TEAD1: variants seen among roughly 807,000 people sequenced by gnomAD.
TEAD1 encodes the protein transcriptional enhancer factor TEF-1.
Under a neutral mutation model 54.9 loss-of-function variants are expected in TEAD1, and 9 were observed. The observed-to-expected ratio is 0.16, with a 90% CI of 0.10 to 0.29. TEAD1 has a LOEUF of 0.29. TEAD1 is among the 10% of genes least tolerant of loss of function. The pLI, the probability that TEAD1 is intolerant of heterozygous loss-of-function variation, is 1.00. For synonymous variants in TEAD1, 200 were observed against 187.8 expected (o/e 1.07, Z -0.53); for missense variants, 387 against 535.9 (o/e 0.72, Z 2.74).
At chr11:12,930,417 C>T (rs1315960464) in intron 12 of TEAD1, 91 bp downstream of exon 12, 13 of 1,515,096 alleles carry the variant, frequency 8.6e-6, no homozygotes, top group South Asian at 7.9e-5. Context: ...GCTGGGCCTG[C>T]GCCGAGGGAA....
chr11:12,839,759 G>T (rs1301975979), intron 3 of TEAD1, among the ~76,000 whole-genome samples: 2 of 152,148 alleles, frequency 1.3e-5, no homozygotes, highest in East Asian at 3.9e-4. Context: ...ATTAAAAGAT[G>T]AATAGAAATT....
At chr11:12,809,690 G>C (rs1564947507) in intron 3 of TEAD1, among the ~76,000 whole-genome samples, 1 of 152,312 alleles carries the variant, frequency 6.6e-6, no homozygotes, top group East Asian at 1.9e-4. Context: ...TCTAAAGGAG[G>C]GGGCAAAACG....
rs10543484 is a variant in TEAD1 at position 12,878,800 on chromosome 11, CATATAT to C, written c.331-903_331-898del. ...ACATATATACATATGTATATATACACATATATATATGTTTTTTTTTTAACCAAAGAA... is the reference window on the plus strand; with the variant it reads ...ACATATATACATATGTATATATACACATATGTTTTTTTTTTAACCAAAGAA... On this transcript the variant is annotated intron_variant, in intron 5 of 12. Coordinates refer to ENST00000527636, the MANE Select transcript of TEAD1 (RefSeq NM_021961.6). 4 of 752,050 alleles carry C rather than the reference CATATAT, an allele frequency of 5.3e-6. No individual in the cohort carries two copies. In the African/African-American group the frequency reaches 7.4e-5, roughly 14 times the overall value. 46.6% of individuals were successfully genotyped at this position (752,050 alleles called of 1,614,324 possible).
intron 5 of TEAD1, among the ~76,000 whole-genome samples, chr11:12,873,478 A>C (rs1258993556): frequency 1.3e-4 from 20 of 152,362 alleles, no homozygotes; most frequent in Admixed American, 1.3e-3. Flanking sequence ...AGCTGAGTAT[A>C]TTTAAAAATG....
intron 2 of TEAD1, among the ~76,000 whole-genome samples, chr11:12,697,781 G>T (rs894361431): frequency 6.6e-6 from 1 of 152,318 alleles, no homozygotes; most frequent in East Asian, 1.9e-4. Context: ...CCCAGCACTT[G>T]GGAGGCCGAG....
chr11:12,879,606 G>C, intron 5 of TEAD1, 102 bp from the exon 6 acceptor site: 2 of 1,480,714 alleles, frequency 1.4e-6, no homozygotes, highest in Non-Finnish European at 1.9e-6. Flanking sequence ...GGCCTATTTT[G>C]TGGCTCTGTA....
intron 3 of TEAD1, among the ~76,000 whole-genome samples, chr11:12,836,419 C>CAA (rs34899154): frequency 0.031 from 4,156 of 132,332 alleles, 181 homozygotes; most frequent in African/African-American, 0.095. Flanking sequence ...GACTCCGTCT[C>CAA]AAAAAAAAAA....
At chr11:12,692,668 G>A (rs1396412888) in intron 2 of TEAD1, among the ~76,000 whole-genome samples, 1 of 152,160 alleles carries the variant, frequency 6.6e-6, no homozygotes, top group Non-Finnish European at 1.5e-5. Flanking sequence ...GCAGGCTTCT[G>A]TGCCCCGCGG....
chr11:12,712,967 T>G (rs1438267997), intron 2 of TEAD1, among the ~76,000 whole-genome samples: 3 of 152,310 alleles, frequency 2.0e-5, no homozygotes, highest in African/African-American at 7.2e-5. Context: ...GGTTCTCGGG[T>G]TGGTGACCAG....
At chr11:12,751,892 C>T (rs1259980966) in intron 2 of TEAD1, among the ~76,000 whole-genome samples, 1 of 152,192 alleles carries the variant, frequency 6.6e-6, no homozygotes, top group Non-Finnish European at 1.5e-5. Flanking sequence ...GCCAGTGTGG[C>T]TCAGTGCACT....
chr11:12,860,499 T>A (rs921222549), intron 3 of TEAD1, among the ~76,000 whole-genome samples: 2 of 152,186 alleles, frequency 1.3e-5, no homozygotes, highest in African/African-American at 4.8e-5. Context: ...TGAGAGAGTC[T>A]TCGCAATTCT....
At chr11:12,680,566 C>G (rs959985704) in intron 2 of TEAD1, among the ~76,000 whole-genome samples, 2 of 152,262 alleles carry the variant, frequency 1.3e-5, no homozygotes, top group Non-Finnish European at 2.9e-5. Flanking sequence ...CGCCCTCCCC[C>G]ACTGGGCAGC....
At chr11:12,898,020 A>C (rs1321815606) in intron 9 of TEAD1, among the ~76,000 whole-genome samples, 5 of 152,174 alleles carry the variant, frequency 3.3e-5, no homozygotes, top group African/African-American at 4.8e-5. Flanking sequence ...CTATTTCCTC[A>C]TCTGTAAAAT....
intron 2 of TEAD1, among the ~76,000 whole-genome samples, chr11:12,719,524 C>T (rs1000150737): frequency 3.0e-4 from 41 of 135,350 alleles, no homozygotes; most frequent in Admixed American, 1.8e-4. Flanking sequence ...CTCCAGATGA[C>T]TTTCCAGCAC....
intron 10 of TEAD1, among the ~76,000 whole-genome samples, chr11:12,918,641 C>G (rs1651614927): frequency 6.6e-6 from 1 of 152,072 alleles, no homozygotes; most frequent in African/African-American, 2.4e-5. Flanking sequence ...AATTACACTC[C>G]TAGGAACGTC....
At chr11:12,748,799 C>G (rs571268603) in intron 2 of TEAD1, among the ~76,000 whole-genome samples, 1 of 148,222 alleles carries the variant, frequency 6.7e-6, no homozygotes, top group South Asian at 2.1e-4. Context: ...AGAAATGGTG[C>G]GGTCCTTTCC....
At chr11:12,837,761 T>C (rs56186640) in intron 3 of TEAD1, among the ~76,000 whole-genome samples, 3 of 103,304 alleles carry the variant, frequency 2.9e-5, no homozygotes, top group South Asian at 4.5e-4. Flanking sequence ...CCTCTTCCTC[T>C]TCTTCTTCCT....
intron 5 of TEAD1, chr11:12,865,448 C>G (rs1401815942): frequency 6.4e-6 from 1 of 156,930 alleles, no homozygotes; most frequent in Non-Finnish European, 1.4e-5. Context: ...GTATTTTCAG[C>G]CAGATTTCTT....
At chr11:12,687,567 G>A (rs994220429) in intron 2 of TEAD1, among the ~76,000 whole-genome samples, 26 of 152,156 alleles carry the variant, frequency 1.7e-4, no homozygotes, top group African/African-American at 6.0e-4. Flanking sequence ...CACCTATCCG[G>A]TTTTCTTGTG....
Sources: gnomAD v4.1 joint callset for allele counts (sites outside exome capture counted in the v4.1 genomes callset) on GRCh38, gnomAD v4.1.1 for gene constraint, MANE v1.5 for transcripts, NCBI Gene and HGNC (gene_info 2026-07-23, HGNC 2026-07-21) for gene names.